The following DPY19L4 variants were observed in gnomAD, a reference collection of about 807,000 sequenced individuals.
DPY19L4 encodes probable C-mannosyltransferase DPY19L4.
A neutral mutation model predicts 102.8 loss-of-function variants in DPY19L4; 97 were observed. The ratio of observed to expected loss-of-function variants is 0.94; its 90% CI spans 0.80 to 1.12. The LOEUF (loss-of-function observed/expected upper bound fraction) is 1.12, where lower values mean the gene tolerates loss of function less well. Among genes scored for constraint, DPY19L4 ranks in the 50% most tolerant of loss-of-function variants. The pLI is 0.00. For synonymous variants in DPY19L4, 252 were observed against 283.1 expected (o/e 0.89, Z 1.10); for missense variants, 815 against 850.4 (o/e 0.96, Z 0.52).
intron 15 of DPY19L4, 26 bp from the exon 16 acceptor site, chr8:94,781,058 T>A (rs747284489): frequency 1.6e-4 from 150 of 962,798 alleles, no homozygotes; most frequent in Non-Finnish European, 1.9e-4. Context: ...TTTTGGGGAT[T>A]TTTTTTTTTT....
chr8:94,765,391 C>G, intron 9 of DPY19L4, 77 bp downstream of exon 9: 1 of 1,399,984 alleles, frequency 7.1e-7, no homozygotes, highest in Non-Finnish European at 9.8e-7. Flanking sequence ...GTTGCCCAGG[C>G]TGGAGTACAT....
intron 7 of DPY19L4, 26 bp downstream of exon 7, chr8:94,756,185 T>C (rs1376384189): frequency 2.5e-6 from 4 of 1,603,960 alleles, no homozygotes; most frequent in Non-Finnish European, 3.4e-6. Context: ...GTTTTATCTG[T>C]TGCAGCTAAT....
intron 6 of DPY19L4, among the ~76,000 whole-genome samples, chr8:94,752,404 G>A (rs1811971876): frequency 6.6e-6 from 1 of 151,596 alleles, no homozygotes; most frequent in Admixed American, 6.6e-5. Context: ...TGGCCAACAT[G>A]GTGAAACCCC....
chr8:94,734,845 A>G, intron 3 of DPY19L4, 91 bp downstream of exon 3: 1 of 1,552,046 alleles, frequency 6.4e-7, no homozygotes, highest in Non-Finnish European at 8.7e-7. Context: ...TGTCTTATTT[A>G]TGGCTATTAG....
rs554344726 is a variant in DPY19L4, at chr8:94,756,482, C to T, written c.735+323C>T. On this transcript the variant is annotated intron_variant, in intron 7 of 18. Coordinates refer to ENST00000414645, the MANE Select transcript of DPY19L4 (RefSeq NM_181787.3). ...GGACTTCTGGAACATTGATGGCCTT[C>T]AATCACCATGATTTAAAGATATATT... 8.5e-5 allele frequency among the ~76,000 whole-genome samples: 13 copies of T among 152,246 alleles called. 1 individual carries two copies. The highest frequency in any genetic ancestry group is 2.9e-4 in the African/African-American group (12 of 41,546).
intron 6 of DPY19L4, chr8:94,745,090 C>T: frequency 6.4e-6 from 1 of 156,056 alleles, no homozygotes; most frequent in South Asian, 1.9e-4. Context: ...TATGATTATT[C>T]GTGTTCTTAA....
chr8:94,777,536 C>A, intron 13 of DPY19L4, 130 bp from the exon 14 acceptor site: 1 of 1,177,200 alleles, frequency 8.5e-7, no homozygotes, highest in Admixed American at 2.5e-5. Context: ...AAATTAGAGT[C>A]TAAGCTTTTT....
intron 13 of DPY19L4, among the ~76,000 whole-genome samples, chr8:94,773,707 G>A (rs1446466649): frequency 6.6e-6 from 1 of 151,950 alleles, no homozygotes; most frequent in African/African-American, 2.4e-5. Flanking sequence ...TAGGATTACA[G>A]GCATGAGCCA....
intron 4 of DPY19L4, 35 bp from the exon 5 acceptor site, chr8:94,739,378 A>C: frequency 6.6e-7 from 1 of 1,523,476 alleles, no homozygotes; most frequent in Admixed American, 2.3e-5. Flanking sequence ...GTGAAGCAGA[A>C]TAAATAATCT....
At position 94,761,717 on chromosome 8, in the gene DPY19L4, G is replaced by A; in HGVS notation, c.753G>A (p.Leu251=). ...TTCCCTAGAGGTTTTGCTACTTGTTGATGAGTGCTTCAACTTACACATTTA... is the reference window on the plus strand; with the variant it reads ...TTCCCTAGAGGTTTTGCTACTTGTTAATGAGTGCTTCAACTTACACATTTA... ...NTYGERFCYL[L]MSASTYTFMM... is the part of the protein sequence containing the mutation. Residue 251 remains leucine (L), a synonymous_variant, in exon 8 of 19, where the codon TTG becomes TTA. Transcript: ENST00000414645. 2.5e-6 allele frequency: 4 copies of A among 1,598,844 alleles called. No homozygotes were observed. Among genetic ancestry groups the A allele is most frequent in the Non-Finnish European group, 3.4e-6 (4 of 1,174,932 alleles).
At chr8:94,785,317 C>G (rs1310903743) in intron 17 of DPY19L4, among the ~76,000 whole-genome samples, 2 of 152,140 alleles carry the variant, frequency 1.3e-5, no homozygotes, top group African/African-American at 2.4e-5. Flanking sequence ...TATACATAGA[C>G]ACACACAAGG....
At chr8:94,739,582 T>A in intron 5 of DPY19L4, 48 bp downstream of exon 5, 1 of 1,602,006 alleles carries the variant, frequency 6.2e-7, no homozygotes, top group Non-Finnish European at 8.5e-7. Context: ...CATGTATTCA[T>A]GAATCCTCAA....
chr8:94,737,583 A>G (rs1488017491), intron 3 of DPY19L4, among the ~76,000 whole-genome samples: 1 of 151,650 alleles, frequency 6.6e-6, no homozygotes, highest in East Asian at 2.0e-4. Context: ...GGAGATTGAG[A>G]CCATCCTGGC....
chr8:94,766,808 T>G (rs1812693627), intron 11 of DPY19L4, 123 bp downstream of exon 11: 4 of 826,418 alleles, frequency 4.8e-6, no homozygotes, highest in African/African-American at 1.7e-5. Flanking sequence ...GAGGCCGAGG[T>G]GGGTGGATTG....
At chr8:94,734,561 T>C in intron 2 of DPY19L4, 69 bp from the exon 3 acceptor site, 1 of 1,486,916 alleles carries the variant, frequency 6.7e-7, no homozygotes, top group East Asian at 2.5e-5. Context: ...AGAGGTAGAA[T>C]GCCATTTTTA....
chr8:94,780,258 A>T, intron 14 of DPY19L4, 101 bp from the exon 15 acceptor site: 1 of 900,246 alleles, frequency 1.1e-6, no homozygotes, highest in Non-Finnish European at 1.5e-6. Context: ...AATTTGTATA[A>T]CTATAGAGAT....
chr8:94,788,033 T>C lies in DPY19L4; in HGVS notation c.1988T>C (p.Leu663Ser). Residue 663 changes from leucine (L) to serine (S), a missense_variant, in exon 18 of 19, where the codon TTA (leucine) becomes TCA (serine). Coordinates refer to ENST00000414645, the MANE Select transcript of DPY19L4 (RefSeq NM_181787.3). ...AGAGGCTGTAGGGTTAAAGATTTAT[T>C]AGACATTGCAAATGGCCACGTAAGT... ...PMRGCRVKDL[L>S]DIANGHMVCE... 1.4e-6 allele frequency: 2 copies of C among 1,469,862 alleles called. No homozygotes were observed. Among genetic ancestry groups the C allele is most frequent in the Non-Finnish European group, 1.8e-6 (2 of 1,110,902 alleles). 91.1% of individuals were successfully genotyped at this position (1,469,862 alleles called of 1,614,324 possible).
At chr8:94,729,590 T>C in intron 2 of DPY19L4, among the ~76,000 whole-genome samples, 2 of 60,454 alleles carry the variant, frequency 3.3e-5, no homozygotes, top group African/African-American at 8.2e-5. Context: ...CAGAGGAGAT[T>C]CCATCTCAAA....
chr8:94,767,632 G>A (rs1309219596), intron 11 of DPY19L4, among the ~76,000 whole-genome samples: 2 of 152,074 alleles, frequency 1.3e-5, no homozygotes, highest in Non-Finnish European at 2.9e-5. Flanking sequence ...GTTGAAAAAT[G>A]TTTATCCTGA....
Sources: allele counts gnomAD v4.1 joint callset (sites outside exome capture counted in the v4.1 genomes callset), GRCh38; gene constraint gnomAD v4.1.1; transcripts MANE v1.5; gene names NCBI Gene and HGNC (gene_info 2026-07-23, HGNC 2026-07-21).